Variants in RAPGEF2 observed in about 807,000 individuals in gnomAD.
RAPGEF2 encodes PDZ domain containing guanine nucleotide exchange factor (GEF) 1.
Under a neutral mutation model 186.7 loss-of-function variants are expected in RAPGEF2, and 54 were observed. That is an observed-to-expected ratio of 0.29 (90% CI 0.23 to 0.36). The LOEUF (loss-of-function observed/expected upper bound fraction) is 0.36. RAPGEF2 is among the 10% of genes least tolerant of loss of function. The pLI is 1.00. For synonymous variants in RAPGEF2, 712 were observed against 705.9 expected (o/e 1.01, Z -0.14); for missense variants, 1,532 against 2,045.0 (o/e 0.75, Z 4.84).
At chr4:159,125,757 CG>C (rs1740230079) in intron 1 of RAPGEF2, among the ~76,000 whole-genome samples, 4 of 110,580 alleles carry the variant, frequency 3.6e-5, no homozygotes, top group South Asian at 2.8e-4. Flanking sequence ...GAATCTGTCT[CG>C]AAAAAAAAAA....
At position 159,187,112 on chromosome 4, in the gene RAPGEF2, G is replaced by C. The variant is rs188536787; in HGVS notation, c.140+400G>C. On this transcript the variant is annotated intron_variant, in intron 2 of 29. Transcript: ENST00000691494. Reference sequence around the variant, plus strand: ...CTTAAAGGAATCTTATTCATGAAAAGTCTGCTTCATCTAGGTCCTATACTA... The same window carrying C: ...CTTAAAGGAATCTTATTCATGAAAACTCTGCTTCATCTAGGTCCTATACTA... Among the ~76,000 whole-genome samples, 332 of 152,272 alleles carry C rather than the reference G, an allele frequency of 2.2e-3. 3 individuals are homozygous for C. Among genetic ancestry groups the C allele is most frequent in the African/African-American group, 7.4e-3 (308 of 41,562 alleles).
At chr4:159,275,544 T>C (rs1232662695) in intron 7 of RAPGEF2, among the ~76,000 whole-genome samples, 10 of 152,166 alleles carry the variant, frequency 6.6e-5, no homozygotes, top group Non-Finnish European at 1.3e-4. Flanking sequence ...AATTAATCCA[T>C]ACTTTAATTT....
chr4:159,260,189 A>G (rs1386194483), intron 7 of RAPGEF2, among the ~76,000 whole-genome samples: 1 of 151,918 alleles, frequency 6.6e-6, no homozygotes, highest in Non-Finnish European at 1.5e-5. Flanking sequence ...CATGTTGCCC[A>G]CACTAGTCTT....
chr4:159,227,529 T>C (rs1006114716), intron 4 of RAPGEF2, among the ~76,000 whole-genome samples: 3 of 152,234 alleles, frequency 2.0e-5, no homozygotes, highest in Non-Finnish European at 4.4e-5. Context: ...ACTGATCAGC[T>C]GCCATCTGTG....
Position 159,115,998 on chromosome 4 carries a change from A to C in RAPGEF2, c.69+11767A>C, listed in dbSNP as rs147617418. On this transcript the variant is annotated intron_variant, in intron 1 of 29. Coordinates refer to ENST00000691494, the MANE Select transcript of RAPGEF2 (RefSeq NM_001394067.2). Reference sequence around the variant, plus strand: ...CTATAAAAACCCTAGAAGAAAATCTAGGCAATACCATTCAGGACATAGGCA... The same window carrying C: ...CTATAAAAACCCTAGAAGAAAATCTCGGCAATACCATTCAGGACATAGGCA... 2.4e-3 allele frequency among the ~76,000 whole-genome samples: 359 copies of C among 152,326 alleles called. 1 individual carries two copies. Among genetic ancestry groups the C allele is most frequent in the African/African-American group, 8.2e-3 (339 of 41,566 alleles).
chr4:159,260,282 A>T (rs79583316), intron 7 of RAPGEF2, among the ~76,000 whole-genome samples: 2 of 144,850 alleles, frequency 1.4e-5, no homozygotes, highest in Middle Eastern at 3.7e-3. Context: ...ACCCAGCCTA[A>T]TTTTTTTTTT....
chr4:159,289,932 G>T (rs1267186780), intron 7 of RAPGEF2, among the ~76,000 whole-genome samples: 1 of 152,166 alleles, frequency 6.6e-6, no homozygotes, highest in Non-Finnish European at 1.5e-5. Flanking sequence ...GAGGGGAAGA[G>T]AAGTGAGTGT....
rs1766918423 is a variant in RAPGEF2 at position 159,333,081 on chromosome 4, G to A, written c.2135+384G>A. On this transcript the variant is annotated intron_variant, in intron 17 of 29. Coordinates refer to ENST00000691494, the MANE Select transcript of RAPGEF2 (RefSeq NM_001394067.2). ...TGCAACCTGTGCCGCCCAGGTTCAA[G>A]TGATTCTCCTGCTTCAGTCTCCCGA... Among the ~76,000 whole-genome samples the A allele has an allele frequency of 3.9e-5, 6 of 152,100 alleles. No individual in the cohort carries two copies. The South Asian group carries it at 1.2e-3, about 31-fold the overall frequency.
intron 1 of RAPGEF2, among the ~76,000 whole-genome samples, chr4:159,172,771 A>G (rs1746047648): frequency 1.3e-5 from 2 of 152,232 alleles, no homozygotes; most frequent in Admixed American, 6.5e-5. Context: ...TTCAGAAACT[A>G]TAACTTGCTG....
chr4:159,184,595 T>G lies in RAPGEF2; in HGVS notation c.70-2047T>G, dbSNP rs138592654. On this transcript the variant is annotated intron_variant, in intron 1 of 29. Coordinates refer to ENST00000691494, the MANE Select transcript of RAPGEF2 (RefSeq NM_001394067.2). ...CCCACTTTTAATGGGGTTATTTGAT[T>G]TTTTTCTTGTAAATTTGTTTAAGTT... 8.4e-3 allele frequency among the ~76,000 whole-genome samples: 1,276 copies of G among 152,324 alleles called. 13 individuals carry two copies. Among genetic ancestry groups the G allele is most frequent in the African/African-American group, 0.028 (1,174 of 41,560 alleles).
At chr4:159,252,098 C>T (rs762537211) in intron 7 of RAPGEF2, among the ~76,000 whole-genome samples, 3 of 152,138 alleles carry the variant, frequency 2.0e-5, no homozygotes, top group Non-Finnish European at 4.4e-5. Flanking sequence ...TGGTTTCATT[C>T]TTGAAGTCAG....
chr4:159,162,189 C>T (rs977191155), intron 1 of RAPGEF2, among the ~76,000 whole-genome samples: 5 of 146,370 alleles, frequency 3.4e-5, no homozygotes, highest in African/African-American at 1.3e-4. Flanking sequence ...GTTTAATACT[C>T]GCCTGAGCAA....
At chr4:159,129,419 C>T (rs1740755207) in intron 1 of RAPGEF2, among the ~76,000 whole-genome samples, 1 of 152,094 alleles carries the variant, frequency 6.6e-6, no homozygotes, top group African/African-American at 2.4e-5. Flanking sequence ...GCACATATCT[C>T]AGAACAGTTC....
intron 1 of RAPGEF2, among the ~76,000 whole-genome samples, chr4:159,178,557 T>TTTTG (rs1746690452): frequency 7.4e-6 from 1 of 135,478 alleles, no homozygotes; most frequent in Non-Finnish European, 1.6e-5. Flanking sequence ...TATGCTTTTT[T>TTTTG]TTTTTTTTTT....
intron 4 of RAPGEF2, among the ~76,000 whole-genome samples, chr4:159,237,011 A>G (rs1428463164): frequency 6.6e-6 from 1 of 152,034 alleles, no homozygotes; most frequent in African/African-American, 2.4e-5. Context: ...GCTGGTTTTG[A>G]TTTTCATGGA....
intron 7 of RAPGEF2, among the ~76,000 whole-genome samples, chr4:159,253,301 G>T (rs915691265): frequency 6.6e-6 from 1 of 152,150 alleles, no homozygotes; most frequent in African/African-American, 2.4e-5. Flanking sequence ...AAACCCATTG[G>T]TCTTAATTGC....
intron 1 of RAPGEF2, among the ~76,000 whole-genome samples, chr4:159,185,815 GTAAA>G (rs1057321584): frequency 5.3e-5 from 8 of 152,218 alleles, no homozygotes; most frequent in Non-Finnish European, 1.0e-4. Context: ...TGAATCATCA[GTAAA>G]TAAAGCTGTT....
At chr4:159,154,851 G>T (rs1458359247) in intron 1 of RAPGEF2, among the ~76,000 whole-genome samples, 1 of 152,122 alleles carries the variant, frequency 6.6e-6, no homozygotes, top group Non-Finnish European at 1.5e-5. Flanking sequence ...CCAAGTGGGC[G>T]AAGACAAATA....
At chr4:159,260,834 C>T (rs759148556) in intron 7 of RAPGEF2, among the ~76,000 whole-genome samples, 12 of 152,096 alleles carry the variant, frequency 7.9e-5, no homozygotes, top group South Asian at 2.1e-4. Context: ...CCACAACCTC[C>T]GCCTCCCAGG....
Sources: allele counts gnomAD v4.1 joint callset (sites outside exome capture counted in the v4.1 genomes callset), GRCh38; gene constraint gnomAD v4.1.1; transcripts MANE v1.5; gene names NCBI Gene and HGNC (gene_info 2026-07-23, HGNC 2026-07-21).